The following ACTR1B variants were observed in gnomAD, a reference collection of about 807,000 sequenced individuals.
ACTR1B encodes the protein actin related protein 1B, also known as beta-centractin.
ACTR1B carries 34 observed loss-of-function variants against 49.4 expected under a neutral mutation model. The observed-to-expected ratio is 0.69, with a 90% CI of 0.52 to 0.92. The LOEUF (loss-of-function observed/expected upper bound fraction) is 0.92. Ranked by LOEUF, ACTR1B falls within the 40% of genes least tolerant of loss-of-function variation. The probability of loss-of-function intolerance (pLI) is 0.00; values close to 1 mark genes in which losing one functional copy is unlikely to be tolerated. For synonymous variants in ACTR1B, 207 were observed against 207.8 expected (o/e 1.00, Z 0.03); for missense variants, 471 against 522.4 (o/e 0.90, Z 0.96).
chr2:97,659,336 G>A lies in ACTR1B; in HGVS notation c.315+16C>T, dbSNP rs780973659. 21 of 1,613,588 alleles carry A rather than the reference G, an allele frequency of 1.3e-5. No homozygotes were observed. In the African/African-American group the frequency reaches 2.5e-4, roughly 19 times the overall value. On this transcript the variant is annotated intron_variant, in intron 4 of 10. Transcript: ENST00000289228. The surrounding 1 kb of genome is among the most constrained non-coding windows in gnomAD (Gnocchi z 4.0). ...CCAGGAGAATGCAGAGCATGCAGGA[G>A]GGGCAGCCGCCACACCTCCTCCGAG...
intron 3 of ACTR1B, among the ~76,000 whole-genome samples, chr2:97,660,056 G>C (rs35211079): frequency 0.48 from 72,751 of 151,432 alleles, 20,961 homozygotes; most frequent in Non-Finnish European, 0.66. Context: ...CCCACCCTCT[G>C]CACCTCCAGC....
intron 2 of ACTR1B, 147 bp from the exon 3 acceptor site, chr2:97,660,793 G>A: frequency 4.0e-6 from 3 of 756,282 alleles, no homozygotes; most frequent in Admixed American, 2.1e-5. Flanking sequence ...TGGAACTGGG[G>A]CCTATGGGGT....
At chr2:97,662,438 C>G (rs1225957264) in intron 1 of ACTR1B, among the ~76,000 whole-genome samples, 3 of 151,704 alleles carry the variant, frequency 2.0e-5, no homozygotes, top group Non-Finnish European at 4.4e-5. Context: ...TCCTTCTCCC[C>G]CAAGAACCCA....
At chr2:97,662,198 T>C (rs1675031848) in intron 1 of ACTR1B, among the ~76,000 whole-genome samples, 1 of 152,116 alleles carries the variant, frequency 6.6e-6, no homozygotes, top group African/African-American at 2.4e-5. Context: ...TGGCATCTAG[T>C]GGGCAGAGGC....
At position 97,659,137 on chromosome 2, in the gene ACTR1B, T is replaced by C. The variant is rs916858772; in HGVS notation, c.316-134A>G. Reference sequence around the variant, plus strand: ...ACCCCTCCTGAGGGCCCCATCCCTTTATCTGCTGGCAGTTACTCTTCCGGA... The same window carrying C: ...ACCCCTCCTGAGGGCCCCATCCCTTCATCTGCTGGCAGTTACTCTTCCGGA... On this transcript the variant is annotated intron_variant, in intron 4 of 10. Transcript: ENST00000289228. The surrounding 1 kb of genome is among the most constrained non-coding windows in gnomAD (Gnocchi z 4.0). 6 of 1,479,672 alleles carry C rather than the reference T, an allele frequency of 4.1e-6. No homozygotes were observed. In the African/African-American group the frequency reaches 5.6e-5, roughly 14 times the overall value. The allele number at this position is 1,479,672 out of a possible 1,614,324, so 91.7% of individuals were successfully genotyped here. A position where few individuals can be genotyped will look rare whatever the true frequency, so the allele number is the denominator to read the frequency against.
At position 97,659,064 on chromosome 2, in the gene ACTR1B, T is replaced by C; in HGVS notation, c.316-61A>G. The C allele has an allele frequency of 6.2e-7, 1 of 1,608,836 alleles. No homozygotes were observed. On this transcript the variant is annotated intron_variant, in intron 4 of 10. Coordinates refer to ENST00000289228, the MANE Select transcript of ACTR1B (RefSeq NM_005735.4). The surrounding 1 kb of genome is among the most constrained non-coding windows in gnomAD (Gnocchi z 4.0). ...GGCAACTTGCAAGGCCCTAAAAGGC[T>C]CTTTCCAGAGAACCACACCCGCTGG...
Position 97,661,890 on chromosome 2 carries a change from G to A in ACTR1B, c.105C>T (p.Phe35=). The change falls in exon 2 of 11, where the codon TTC becomes TTT. Residue 35 remains phenylalanine, a synonymous_variant. Coordinates refer to ENST00000289228, the MANE Select transcript of ACTR1B (RefSeq NM_005735.4). ...GCCTGAGCCACACTTACTAGTTTGG[G>A]AAACAGTATTTGGGAATCTGGTCTC... ...FAGDQIPKYC[F]PNYVGRPKHM... The A allele has an allele frequency of 6.3e-7, 1 of 1,593,398 alleles. No individual in the cohort carries two copies. The highest frequency in any genetic ancestry group is 2.2e-5 in the East Asian group (1 of 44,594).
chr2:97,662,993 A>G (rs1456121492), intron 1 of ACTR1B, among the ~76,000 whole-genome samples: 2 of 152,192 alleles, frequency 1.3e-5, no homozygotes, highest in Non-Finnish European at 2.9e-5. Context: ...GACAGATCCC[A>G]GAAAGAGCAC....
intron 1 of ACTR1B, among the ~76,000 whole-genome samples, chr2:97,663,531 A>C (rs1327772712): frequency 6.6e-6 from 1 of 152,056 alleles, no homozygotes; most frequent in Non-Finnish European, 1.5e-5. Flanking sequence ...CCGCACTCTC[A>C]ACTGAGAAGA....
In ACTR1B at chr2:97,657,188, G is replaced by C; in HGVS notation, c.992C>G (p.Ser331Ter). The change falls in exon 10 of 11, where the codon TCA becomes TGA. Residue 331 changes from serine to a stop codon, truncating the protein, a stop_gained. Coordinates refer to ENST00000289228, the MANE Select transcript of ACTR1B (RefSeq NM_005735.4). LOFTEE classifies it high-confidence loss of function. Reference protein sequence around the residue: ...LAPKDIKIKISAPQERLYSTW... With the variant: ...LAPKDIKIKI ...GGAGTACAGCCGTTCCTGCGGGGCT[G>C]AGATCTAGAAGGAGGAAGTGGCCAC... The C allele has an allele frequency of 6.2e-7, 1 of 1,613,320 alleles. No homozygotes were observed.
At chr2:97,661,835 C>G in intron 2 of ACTR1B, 47 bp downstream of exon 2, 1 of 1,546,540 alleles carries the variant, frequency 6.5e-7, no homozygotes, top group South Asian at 1.2e-5. Context: ...AATGTTCTTA[C>G]AGAAGGTAAA....
chr2:97,663,213 A>C (rs941432553), intron 1 of ACTR1B, among the ~76,000 whole-genome samples: 1 of 152,220 alleles, frequency 6.6e-6, no homozygotes, highest in Non-Finnish European at 1.5e-5. Context: ...TGAGGCTTCC[A>C]AACGATCACC....
chr2:97,663,914 C>A lies in ACTR1B; in HGVS notation c.-24G>T. 7.5e-7 allele frequency: 1 copy of A among 1,334,752 alleles called. No homozygotes were observed. Among genetic ancestry groups the A allele is most frequent in the South Asian group, 1.9e-5 (1 of 53,534 alleles). The allele number at this position is 1,334,752 out of a possible 1,614,324, so 82.7% of individuals were successfully genotyped here. ...ATGGCCGGGCCGCGCCGGCCCTGCC[C>A]AGCAGGCGGGCTGCAGGAGGCACCG... On this transcript the variant is annotated 5_prime_UTR_variant, in exon 1 of 11. Coordinates refer to ENST00000289228, the MANE Select transcript of ACTR1B (RefSeq NM_005735.4).
At position 97,657,073 on chromosome 2, in the gene ACTR1B, G is replaced by A. The variant is rs375541865; in HGVS notation, c.1028+79C>T. The A allele has an allele frequency of 5.6e-5, 89 of 1,590,272 alleles. 1 individual carries two copies. In the South Asian group the frequency reaches 8.6e-4, roughly 15 times the overall value. ...GGGAGGGAAATCCACCCACCTCCAC[G>A]TGGCCTAGGCCAACAATGGGAGGAG... On this transcript the variant is annotated intron_variant, in intron 10 of 10. Coordinates refer to ENST00000289228, the MANE Select transcript of ACTR1B (RefSeq NM_005735.4).
intron 2 of ACTR1B, among the ~76,000 whole-genome samples, chr2:97,660,911 C>T (rs1306647567): frequency 2.0e-5 from 3 of 152,178 alleles, no homozygotes; most frequent in African/African-American, 7.2e-5. Flanking sequence ...CTCCATGGCC[C>T]AGCCCTTGCA....
At position 97,663,570 on chromosome 2, in the gene ACTR1B, C is replaced by A. The variant is rs937189952; in HGVS notation, c.48+273G>T. 3.3e-5 allele frequency among the ~76,000 whole-genome samples: 5 copies of A among 152,112 alleles called. No homozygotes were observed. The South Asian group carries it at 1.0e-3, about 32-fold the overall frequency. ...CGGGGCGCGTCCCCGCCCGGCCGCC[C>A]GGCTGTCACTCAAGCTCTCCTGAAC... On this transcript the variant is annotated intron_variant, in intron 1 of 10. Coordinates refer to ENST00000289228, the MANE Select transcript of ACTR1B (RefSeq NM_005735.4).
Position 97,659,277 on chromosome 2 carries a change from C to G in ACTR1B, c.315+75G>C. 6.3e-7 allele frequency: 1 copy of G among 1,597,778 alleles called. No individual in the cohort carries two copies. The highest frequency in any genetic ancestry group is 8.5e-7 in the Non-Finnish European group (1 of 1,172,006). On this transcript the variant is annotated intron_variant, in intron 4 of 10. Transcript: ENST00000289228. The surrounding 1 kb of genome is among the most constrained non-coding windows in gnomAD (Gnocchi z 4.0). ...AAATGTAGAAGGGAAATGTGGGAGC[C>G]CGGCGAGGAGGGACGCAGAGGAGAG...
intron 1 of ACTR1B, among the ~76,000 whole-genome samples, chr2:97,662,647 T>C (rs1186098237): frequency 6.6e-6 from 1 of 152,102 alleles, no homozygotes; most frequent in Admixed American, 6.5e-5. Flanking sequence ...AGCGAAGGGA[T>C]AAGCTTCTCA....
In ACTR1B at chr2:97,658,366, T is replaced by TGC; in HGVS notation, c.658-52_658-51dup. On this transcript the variant is annotated intron_variant, in intron 6 of 10. Coordinates refer to ENST00000289228, the MANE Select transcript of ACTR1B (RefSeq NM_005735.4). This position sits in a 1 kb window ranked among gnomAD's most constrained non-coding sequence, Gnocchi z 5.9. ...CAGAAGGCTGCACCTGGGACACCTG[T>TGC]GCCTTGGTGCCACCCTTTCCTCACC... 2 of 1,613,210 alleles carry TGC rather than the reference T, an allele frequency of 1.2e-6. No homozygotes were observed. Among genetic ancestry groups the TGC allele is most frequent in the Non-Finnish European group, 1.7e-6 (2 of 1,179,212 alleles).
Sources: gnomAD v4.1 joint callset for allele counts (sites outside exome capture counted in the v4.1 genomes callset) on GRCh38, gnomAD v4.1.1 for gene constraint, Gnocchi (gnomAD v3.1) non-coding constraint, MANE v1.5 for transcripts, NCBI Gene and HGNC (gene_info 2026-07-23, HGNC 2026-07-21) for gene names.